LRBA: variants seen among roughly 807,000 people sequenced by gnomAD.
LRBA encodes lipopolysaccharide-responsive and beige-like anchor protein.
A neutral mutation model predicts 330.0 loss-of-function variants in LRBA; 176 were observed. That is an observed-to-expected ratio of 0.53 (90% CI 0.47 to 0.60). The LOEUF (loss-of-function observed/expected upper bound fraction) is 0.60, where lower values mean the gene tolerates loss of function less well. LRBA is among the 20% of genes least tolerant of loss of function. The pLI is 0.00. For synonymous variants in LRBA, 1,230 were observed against 1,193.0 expected, an observed-to-expected ratio of 1.03 and a Z score of -0.64; for missense variants, 3,259 against 3,444.8, an observed-to-expected ratio of 0.95 and a Z score of 1.35.
At chr4:151,005,534 G>A (rs1243518603) in intron 2 of LRBA, among the ~76,000 whole-genome samples, 7 of 141,468 alleles carry the variant, frequency 4.9e-5, no homozygotes, top group African/African-American at 1.9e-4. Flanking sequence ...TAGATTATAA[G>A]AGACTTTTGA....
At chr4:150,917,345 A>G (rs906531293) in intron 5 of LRBA, among the ~76,000 whole-genome samples, 7 of 152,254 alleles carry the variant, frequency 4.6e-5, no homozygotes, top group African/African-American at 1.7e-4. Context: ...ACGTATCCAC[A>G]GAGATTCTAA....
chr4:150,505,293 C>T (rs1182601937), intron 40 of LRBA, among the ~76,000 whole-genome samples: 1 of 152,080 alleles, frequency 6.6e-6, no homozygotes, highest in Non-Finnish European at 1.5e-5. Context: ...TTCAGCACCA[C>T]ACCACACCTA....
intron 36 of LRBA, among the ~76,000 whole-genome samples, chr4:150,707,702 A>T (rs1163398740): frequency 6.6e-6 from 1 of 151,754 alleles, no homozygotes; most frequent in Non-Finnish European, 1.5e-5. Flanking sequence ...AATAAAGACC[A>T]TTCTAGCAAA....
intron 54 of LRBA, among the ~76,000 whole-genome samples, chr4:150,285,342 T>C (rs1256193734): frequency 6.6e-6 from 1 of 152,242 alleles, no homozygotes; most frequent in Non-Finnish European, 1.5e-5. Context: ...TCCTGATTTG[T>C]TGCATGTGCT....
intron 13 of LRBA, among the ~76,000 whole-genome samples, 185 bp downstream of exon 13, chr4:150,905,651 TAC>T (rs201719628): frequency 4.4e-4 from 66 of 151,320 alleles, no homozygotes; most frequent in African/African-American, 1.3e-3. Context: ...TATATATTCA[TAC>T]ACACACACAC....
At chr4:150,580,546 G>T (rs1771177558) in intron 40 of LRBA, 1 of 152,160 alleles carries the variant, frequency 6.6e-6, no homozygotes, top group African/African-American at 2.4e-5. Flanking sequence ...TTTCTAAAAC[G>T]AAGTCTTCAC....
intron 47 of LRBA, among the ~76,000 whole-genome samples, chr4:150,393,163 T>G (rs7676219): frequency 0.87 from 132,352 of 151,994 alleles, 58,502 homozygotes; most frequent in Non-Finnish European, 0.96. Context: ...ACATTCTGGA[T>G]TAATTATTTC....
At chr4:150,594,744 GAGGCTA>G (rs1641734702) in intron 38 of LRBA, among the ~76,000 whole-genome samples, 1 of 151,952 alleles carries the variant, frequency 6.6e-6, no homozygotes, top group African/African-American at 2.4e-5. Context: ...TTGATTCACT[GAGGCTA>G]AGAACAATGA....
intron 17 of LRBA, 54 bp downstream of exon 17, chr4:150,892,998 C>A: frequency 2.7e-6 from 3 of 1,092,260 alleles, no homozygotes; most frequent in Admixed American, 2.2e-5. Context: ...ATTTAAGAAG[C>A]TTTCAAATAT....
chr4:150,507,312 T>A (rs1463284094), intron 40 of LRBA, among the ~76,000 whole-genome samples: 1 of 152,162 alleles, frequency 6.6e-6, no homozygotes, highest in Non-Finnish European at 1.5e-5. Context: ...GCATCACTCT[T>A]CTTGACTTCA....
intron 35 of LRBA, among the ~76,000 whole-genome samples, chr4:150,739,375 G>A (rs72738329): frequency 0.063 from 9,651 of 151,992 alleles, 425 homozygotes; most frequent in Non-Finnish European, 0.099. Flanking sequence ...GGCAAAATGC[G>A]GGGTCACAAA....
intron 36 of LRBA, among the ~76,000 whole-genome samples, chr4:150,693,285 C>T (rs1284172328): frequency 2.0e-5 from 3 of 151,960 alleles, no homozygotes; most frequent in Non-Finnish European, 2.9e-5. Context: ...GGGCAAGGGC[C>T]GGGCGCGGTG....
At chr4:150,695,067 C>G (rs186428467) in intron 36 of LRBA, among the ~76,000 whole-genome samples, 133 of 152,198 alleles carry the variant, frequency 8.7e-4, no homozygotes, top group African/African-American at 3.2e-3. Flanking sequence ...AACAATAAAA[C>G]CCACAAATAC....
At chr4:150,762,360 C>A (rs530552412) in intron 34 of LRBA, among the ~76,000 whole-genome samples, 1 of 151,906 alleles carries the variant, frequency 6.6e-6, no homozygotes, top group East Asian at 1.9e-4. Context: ...AACTATAATT[C>A]ACTGCCCTAT....
At chr4:150,984,950 G>A (rs1055970429) in intron 2 of LRBA, among the ~76,000 whole-genome samples, 1 of 152,138 alleles carries the variant, frequency 6.6e-6, no homozygotes, top group Non-Finnish European at 1.5e-5. Flanking sequence ...TCTTAAGAAA[G>A]TAATTAAGCA....
intron 36 of LRBA, among the ~76,000 whole-genome samples, chr4:150,703,084 C>A (rs1394219881): frequency 6.6e-6 from 1 of 152,184 alleles, no homozygotes; most frequent in Non-Finnish European, 1.5e-5. Flanking sequence ...TCGCTTGAAC[C>A]CTGGAGACAG....
intron 40 of LRBA, among the ~76,000 whole-genome samples, chr4:150,534,274 G>T (rs1417351670): frequency 6.7e-6 from 1 of 149,836 alleles, no homozygotes; most frequent in African/African-American, 2.4e-5. Context: ...TCACATTTAA[G>T]ACTTTTTAGT....
At chr4:150,945,490 G>T (rs1736143489) in intron 2 of LRBA, among the ~76,000 whole-genome samples, 1 of 152,162 alleles carries the variant, frequency 6.6e-6, no homozygotes, top group South Asian at 2.1e-4. Context: ...TTCCTTAAAA[G>T]ATACAATTAT....
At chr4:150,611,576 C>G (rs986464148) in intron 37 of LRBA, among the ~76,000 whole-genome samples, 3 of 152,124 alleles carry the variant, frequency 2.0e-5, no homozygotes, top group African/African-American at 7.2e-5. Flanking sequence ...TATCAACACA[C>G]ATTTCAATAA....
Sources: gnomAD v4.1 joint callset for allele counts (sites outside exome capture counted in the v4.1 genomes callset) on GRCh38, gnomAD v4.1.1 for gene constraint, MANE v1.5 for transcripts, NCBI Gene and HGNC (gene_info 2026-07-23, HGNC 2026-07-21) for gene names.